OPCML: variants seen among roughly 807,000 people sequenced by gnomAD.
OPCML encodes the protein opioid-binding protein/cell adhesion molecule.
OPCML carries 13 observed loss-of-function variants against 37.8 expected under a neutral mutation model. That is an observed-to-expected ratio of 0.34 (90% CI 0.22 to 0.55). The LOEUF is 0.55. OPCML is among the 20% of genes least tolerant of loss of function. OPCML has a pLI of 0.91. For missense variants in OPCML, 341 were observed against 435.6 expected (o/e 0.78, Z 1.93); for synonymous variants, 176 against 168.8 (o/e 1.04, Z -0.33).
At chr11:133,335,117 C>T (rs1428929192) in intron 1 of OPCML, among the ~76,000 whole-genome samples, 2 of 152,208 alleles carry the variant, frequency 1.3e-5, no homozygotes, top group Non-Finnish European at 2.9e-5. Context: ...TTAGCAACTC[C>T]CTTTCAGACA....
At chr11:133,326,501 T>A (rs1943461194) in intron 1 of OPCML, among the ~76,000 whole-genome samples, 1 of 124,366 alleles carries the variant, frequency 8.0e-6, no homozygotes, top group Admixed American at 7.9e-5. Context: ...TGGGTGTGTG[T>A]ATGTGTGGGA....
chr11:133,246,289 A>G (rs1343262989), intron 1 of OPCML, among the ~76,000 whole-genome samples: 1 of 152,192 alleles, frequency 6.6e-6, no homozygotes, highest in Non-Finnish European at 1.5e-5. Context: ...GTACCCTTTA[A>G]ACTGTTCACA....
intron 2 of OPCML, among the ~76,000 whole-genome samples, chr11:132,909,386 C>T (rs1944350131): frequency 6.6e-6 from 1 of 152,178 alleles, no homozygotes; most frequent in South Asian, 2.1e-4. Context: ...TCTGAGAGAC[C>T]ATTTCATAGG....
chr11:133,025,091 G>T, intron 1 of OPCML: 1 of 840,382 alleles, frequency 1.2e-6, no homozygotes. Context: ...TAAGCCTAGA[G>T]CTAATTTTCC....
At chr11:133,175,636 G>C (rs923213771) in intron 1 of OPCML, among the ~76,000 whole-genome samples, 1 of 148,974 alleles carries the variant, frequency 6.7e-6, no homozygotes, top group Admixed American at 6.7e-5. Flanking sequence ...AGCCTTAAAA[G>C]AAAATTCTGT....
At chr11:132,424,429 T>G (rs2095971103) in intron 7 of OPCML, among the ~76,000 whole-genome samples, 1 of 152,164 alleles carries the variant, frequency 6.6e-6, no homozygotes, top group Non-Finnish European at 1.5e-5. Context: ...GAGAGGCAGA[T>G]TTTTAATGAC....
At position 132,454,609 on chromosome 11, in the gene OPCML, C is replaced by CA. The variant is rs1341848697; in HGVS notation, c.506-17251dup. Among the ~76,000 whole-genome samples the CA allele has an allele frequency of 2.6e-5, 4 of 152,332 alleles. No individual in the cohort carries two copies. In the East Asian group the frequency reaches 7.7e-4, roughly 29 times the overall value. Reference sequence around the variant, plus strand: ...ACAGATGATGGGAGAAGCCAGCACCCAGGGCCTTCGGGAACATGGCAGCAG... The same window carrying CA: ...ACAGATGATGGGAGAAGCCAGCACCCAAGGGCCTTCGGGAACATGGCAGCAG... On this transcript the variant is annotated intron_variant, in intron 4 of 7. Transcript: ENST00000524381.
chr11:133,327,676 C>T (rs1211597788), intron 1 of OPCML, among the ~76,000 whole-genome samples: 1 of 152,176 alleles, frequency 6.6e-6, no homozygotes, highest in Non-Finnish European at 1.5e-5. Flanking sequence ...TAGACCTAAA[C>T]TTTCATAATT....
At chr11:133,193,996 T>C (rs1424318614) in intron 1 of OPCML, among the ~76,000 whole-genome samples, 2 of 152,206 alleles carry the variant, frequency 1.3e-5, no homozygotes, top group African/African-American at 4.8e-5. Context: ...CATGATACTT[T>C]TAAGTTACTG....
At chr11:132,653,068 G>A (rs1193064104) in intron 3 of OPCML, among the ~76,000 whole-genome samples, 1 of 152,156 alleles carries the variant, frequency 6.6e-6, no homozygotes, top group Non-Finnish European at 1.5e-5. Context: ...TGCCCTTTCT[G>A]GTGTTAGGTT....
intron 1 of OPCML, among the ~76,000 whole-genome samples, chr11:133,127,080 A>G (rs1290044218): frequency 6.6e-6 from 1 of 152,156 alleles, no homozygotes; most frequent in Non-Finnish European, 1.5e-5. Flanking sequence ...CTGTAAACCT[A>G]GGAAAGGTAA....
In OPCML at chr11:132,932,528, C is replaced by A. The variant is rs529790138; in HGVS notation, c.146+10398G>T. The stretch of plus-strand genomic sequence containing the variant: ...CCATCCCCCTTTCCCATTTTGTGGG[C>A]TCTATGTTCTGCCAACATAGTCACA... On this transcript the variant is annotated intron_variant, in intron 2 of 7. Coordinates refer to ENST00000524381, the MANE Select transcript of OPCML (RefSeq NM_001012393.5). Among the ~76,000 whole-genome samples, 26 of 152,052 alleles carry A rather than the reference C, an allele frequency of 1.7e-4. No homozygotes were observed. The South Asian group carries it at 5.4e-3, about 32-fold the overall frequency.
intron 4 of OPCML, among the ~76,000 whole-genome samples, chr11:132,524,174 T>C (rs547064614): frequency 6.6e-6 from 1 of 152,316 alleles, no homozygotes; most frequent in African/African-American, 2.4e-5. Flanking sequence ...TTCACATTAC[T>C]CATGTGCCTA....
intron 2 of OPCML, among the ~76,000 whole-genome samples, chr11:132,810,560 G>A (rs963263569): frequency 7.2e-5 from 11 of 152,108 alleles, no homozygotes; most frequent in African/African-American, 2.4e-4. Flanking sequence ...GTGTGGTGGC[G>A]AGTGCCTATA....
At chr11:133,071,966 C>A (rs534659588) in intron 1 of OPCML, among the ~76,000 whole-genome samples, 8 of 152,156 alleles carry the variant, frequency 5.3e-5, no homozygotes, top group African/African-American at 1.9e-4. Context: ...ACGGAGTTAG[C>A]GGTAGTGAAG....
At position 133,532,499 on chromosome 11, in the gene OPCML, T is replaced by C; in HGVS notation, c.-175A>G. On this transcript the variant is annotated 5_prime_UTR_variant, in exon 1 of 8. Transcript: ENST00000524381. ...GAGATGGGAGCAGGCAGGCAGCGTC[T>C]CTGATTTCTTTTCTTGCACACAACT... 1 of 699,320 alleles carries C rather than the reference T, an allele frequency of 1.4e-6. No homozygotes were observed. The allele number at this position is 699,320 out of a possible 1,614,324, so 43.3% of individuals were successfully genotyped here.
At chr11:132,469,040 A>C (rs2136947091) in intron 4 of OPCML, among the ~76,000 whole-genome samples, 1 of 152,350 alleles carries the variant, frequency 6.6e-6, no homozygotes, top group Admixed American at 6.5e-5. Flanking sequence ...CTCTAGAAAT[A>C]TTCTTGGACA....
intron 1 of OPCML, among the ~76,000 whole-genome samples, chr11:133,070,578 G>A (rs530284017): frequency 2.7e-4 from 41 of 152,328 alleles, no homozygotes; most frequent in African/African-American, 9.6e-4. Flanking sequence ...CCTATGAAGA[G>A]AGGTAACGCA....
At chr11:132,728,409 A>C (rs991985084) in intron 2 of OPCML, among the ~76,000 whole-genome samples, 3 of 152,212 alleles carry the variant, frequency 2.0e-5, no homozygotes, top group Non-Finnish European at 2.9e-5. Context: ...GAGCTGCAAG[A>C]AGAGACAAAA....
Sources: gnomAD v4.1 joint callset for allele counts (sites outside exome capture counted in the v4.1 genomes callset) on GRCh38, gnomAD v4.1.1 for gene constraint, MANE v1.5 for transcripts, NCBI Gene and HGNC (gene_info 2026-07-23, HGNC 2026-07-21) for gene names.